MYO9A: variants seen among roughly 807,000 people sequenced by gnomAD.
MYO9A encodes the protein myosin IXA, also known as unconventional myosin-IXa.
MYO9A carries 103 observed loss-of-function variants against 293.3 expected under a neutral mutation model. The observed-to-expected ratio is 0.35, with a 90% confidence interval of 0.30 to 0.41. The LOEUF is 0.41. Ranked by LOEUF, MYO9A falls within the 10% of genes least tolerant of loss-of-function variation. The probability of loss-of-function intolerance (pLI) is 1.00; values close to 1 mark genes in which losing one functional copy is unlikely to be tolerated. For synonymous variants in MYO9A, 1,001 were observed against 1,035.7 expected (o/e 0.97, Z 0.64); for missense variants, 2,685 against 3,033.0 (o/e 0.89, Z 2.69).
In MYO9A at chr15:71,898,077, G is replaced by A. The variant is rs143427403; in HGVS notation, c.4426C>T (p.Pro1476Ser). Residue 1476 changes from proline (P) to serine (S), a missense_variant, in exon 25 of 42, where the codon CCT becomes TCT. Physicochemically the swap from Pro to Ser is moderately conservative, Grantham distance 74. This residue lies in a region of MYO9A where 1,434 missense variants were observed against 1,497.7 expected (regional missense o/e 0.96). Coordinates refer to ENST00000356056, the MANE Select transcript of MYO9A (RefSeq NM_006901.4). ...YHCSGKDQIV[P>S]SLNTESSNPV... is the part of the protein sequence containing the mutation. ...TTAGAAGACTCTGTATTCAAAGAAG[G>A]AACAATCTGATCTTTTCCTGAGCAG... 1.2e-4 allele frequency: 201 copies of A among 1,614,034 alleles called. 1 individual carries two copies. In the African/African-American group the frequency reaches 2.2e-3, roughly 18 times the overall value.
intron 13 of MYO9A, among the ~76,000 whole-genome samples, chr15:71,964,231 T>C (rs920228461): frequency 1.9e-4 from 29 of 152,216 alleles, no homozygotes; most frequent in Non-Finnish European, 2.9e-4. Context: ...TTTGGCTTAG[T>C]TGATTTCTTT....
chr15:72,019,193 T>C (rs2077427863), intron 5 of MYO9A, 98 bp from the exon 6 acceptor site: 3 of 985,784 alleles, frequency 3.0e-6, no homozygotes, highest in South Asian at 2.7e-5. Flanking sequence ...CTGCTCTCCA[T>C]TGAAAAGTTA....
chr15:71,847,230 ATGAAG>A (rs1440535735), intron 39 of MYO9A, among the ~76,000 whole-genome samples: 1 of 152,202 alleles, frequency 6.6e-6, no homozygotes, highest in Non-Finnish European at 1.5e-5. Flanking sequence ...AGGAAGGAAA[ATGAAG>A]GATCTAAAGA....
chr15:71,978,219 A>C lies in MYO9A; in HGVS notation c.1796T>G (p.Ile599Ser). The C allele has an allele frequency of 6.2e-7, 1 of 1,613,260 alleles. No individual in the cohort carries two copies. Among genetic ancestry groups the C allele is most frequent in the Non-Finnish European group, 8.5e-7 (1 of 1,179,492 alleles). Residue 599 changes from isoleucine (I) to serine (S), a missense_variant, in exon 12 of 42, where the codon ATT (isoleucine) becomes AGT (serine). Coordinates refer to ENST00000356056, the MANE Select transcript of MYO9A (RefSeq NM_006901.4). ...YIDNTCCINL[I>S]SKKPTGLLHL... ...AAGCAGTCCTGTTGGTTTTTTGCTA[A>C]TAAGATTTATGCAGCAGGTATTATC...
At chr15:71,854,240 A>G in intron 35 of MYO9A, 137 bp downstream of exon 35, 2 of 705,448 alleles carry the variant, frequency 2.8e-6, no homozygotes, top group Non-Finnish European at 4.2e-6. Flanking sequence ...CCAAAAAATG[A>G]TAACAAAGCA....
At chr15:71,858,666 G>C (rs1386581815) in intron 34 of MYO9A, 3 of 140,554 alleles carry the variant, frequency 2.1e-5, no homozygotes, top group African/African-American at 8.0e-5. Context: ...GAGAACACTT[G>C]GACACAGGAA....
chr15:72,089,009 A>T (rs1226526648), intron 1 of MYO9A, among the ~76,000 whole-genome samples: 10 of 152,216 alleles, frequency 6.6e-5, no homozygotes, highest in Non-Finnish European at 1.5e-4. Flanking sequence ...ATCAGAAAAC[A>T]GAGTATCCCT....
At chr15:72,077,787 A>G (rs1245221422) in intron 1 of MYO9A, among the ~76,000 whole-genome samples, 2 of 148,298 alleles carry the variant, frequency 1.3e-5, no homozygotes, top group Non-Finnish European at 3.0e-5. Context: ...ATATAAACAC[A>G]TAAACACACA....
chr15:71,989,547 C>T (rs995418255), intron 11 of MYO9A, among the ~76,000 whole-genome samples: 2 of 152,016 alleles, frequency 1.3e-5, no homozygotes, highest in Non-Finnish European at 2.9e-5. Flanking sequence ...GATGTAAAAC[C>T]CAAAGATAAG....
chr15:72,010,413 T>C lies in MYO9A; in HGVS notation c.1190A>G (p.His397Arg). 1 of 1,613,526 alleles carries C rather than the reference T, an allele frequency of 6.2e-7. No individual in the cohort carries two copies. Among genetic ancestry groups the C allele is most frequent in the Non-Finnish European group, 8.5e-7 (1 of 1,179,608 alleles). Residue 397 changes from histidine (H) to arginine (R), a missense_variant, in exon 7 of 42, where the codon CAT becomes CGT. By Grantham distance (29) the His-to-Arg change is conservative. Around this residue, in one of 10 missense-constraint regions of MYO9A, gnomAD observed 289 missense variants for 456.8 expected, o/e 0.63. Transcript: ENST00000356056. Reference sequence around the variant, plus strand: ...GGCAAGTTGTAGGCGCTCAAAGTCATGTCTCAAATCTTCTCCTTCCACCGT... The same window carrying C: ...GGCAAGTTGTAGGCGCTCAAAGTCACGTCTCAAATCTTCTCCTTCCACCGT... ...CFTVEGEDLR[H>R]DFERLQLAME... is the part of the protein sequence containing the mutation.
Position 72,046,226 on chromosome 15 carries a change from T to C in MYO9A, c.338A>G (p.Asp113Gly). The change falls in exon 2 of 42, where the codon GAT becomes GGT. Residue 113 changes from aspartate to glycine, a missense_variant. This residue lies in a region of MYO9A where 63 missense variants were observed against 57.9 expected (regional missense o/e 1.09). Coordinates refer to ENST00000356056, the MANE Select transcript of MYO9A (RefSeq NM_006901.4). The part of the protein sequence containing the change: ...YRFLLREKNL[D>G]GSIHYGSLQS... ...CAGGCTACCATAATGGATTGATCCA[T>C]CAAGGTTTTTCTCTCTCAGAAGGAA... The C allele has an allele frequency of 6.2e-7, 1 of 1,613,868 alleles. No homozygotes were observed. Among genetic ancestry groups the C allele is most frequent in the Non-Finnish European group, 8.5e-7 (1 of 1,179,830 alleles).
intron 1 of MYO9A, among the ~76,000 whole-genome samples, chr15:72,111,486 T>TAAA (rs200759527): frequency 7.0e-6 from 1 of 142,458 alleles, no homozygotes; most frequent in Non-Finnish European, 1.5e-5. Context: ...GAGATTGTCT[T>TAAA]AAAAAAAAAA....
intron 34 of MYO9A, among the ~76,000 whole-genome samples, chr15:71,857,686 GT>G (rs199917190): frequency 6.2e-4 from 90 of 145,462 alleles, no homozygotes; most frequent in South Asian, 1.3e-3. Flanking sequence ...TGTATCGACA[GT>G]TTTTTTTTTT....
intron 1 of MYO9A, among the ~76,000 whole-genome samples, chr15:72,084,486 T>C (rs1383575762): frequency 1.3e-5 from 2 of 152,186 alleles, no homozygotes; most frequent in African/African-American, 4.8e-5. Flanking sequence ...AGGTTAGTAT[T>C]GATAAGTGTG....
At chr15:71,903,237 A>T (rs940856869) in intron 21 of MYO9A, among the ~76,000 whole-genome samples, 174 bp from the exon 22 acceptor site, 3 of 152,224 alleles carry the variant, frequency 2.0e-5, no homozygotes, top group African/African-American at 7.2e-5. Flanking sequence ...TAGGAGGTGG[A>T]GAAAGATATT....
rs560815643 is a variant in MYO9A at position 72,104,511 on chromosome 15, T to C, written c.-72+13169A>G. Reference sequence around the variant, plus strand: ...TTTAAAAGCTACCATAATTACAAAATGTTCTGTATCCTCCCCAGTGCCTAC... The same window carrying C: ...TTTAAAAGCTACCATAATTACAAAACGTTCTGTATCCTCCCCAGTGCCTAC... On this transcript the variant is annotated intron_variant, in intron 1 of 41. Coordinates refer to ENST00000356056, the MANE Select transcript of MYO9A (RefSeq NM_006901.4). Among the ~76,000 whole-genome samples, 3 of 152,322 alleles carry C rather than the reference T, an allele frequency of 2.0e-5. No individual in the cohort carries two copies. The South Asian group carries it at 6.2e-4, about 32-fold the overall frequency.
intron 34 of MYO9A, among the ~76,000 whole-genome samples, chr15:71,856,779 C>T (rs1224400290): frequency 6.6e-6 from 1 of 152,060 alleles, no homozygotes; most frequent in Non-Finnish European, 1.5e-5. Flanking sequence ...AAAGCATTTC[C>T]AAGTCTAAGG....
At chr15:72,000,834 A>T (rs1596351612) in intron 8 of MYO9A, among the ~76,000 whole-genome samples, 1 of 152,330 alleles carries the variant, frequency 6.6e-6, no homozygotes, top group East Asian at 1.9e-4. Context: ...TAACTGCTAC[A>T]TAGCATTGCA....
chr15:72,054,151 A>G (rs2078651296), intron 1 of MYO9A, among the ~76,000 whole-genome samples: 1 of 152,240 alleles, frequency 6.6e-6, no homozygotes, highest in Admixed American at 6.5e-5. Context: ...TAATCAAAAT[A>G]ACATCAAGCA....
Sources: gnomAD v4.1 joint callset for allele counts (sites outside exome capture counted in the v4.1 genomes callset) on GRCh38, gnomAD v4.1.1 for gene constraint, gnomAD v4.1.1 regional missense constraint, MANE v1.5 for transcripts, NCBI Gene and HGNC (gene_info 2026-07-23, HGNC 2026-07-21) for gene names.